SRP72: variants seen among roughly 807,000 people sequenced by gnomAD.
SRP72 encodes the protein signal recognition particle subunit SRP72.
Under a neutral mutation model 96.3 loss-of-function variants are expected in SRP72, and 49 were observed. The ratio of observed to expected loss-of-function variants is 0.51; its 90% CI spans 0.40 to 0.65. The LOEUF is 0.65. SRP72 is among the 30% of genes least tolerant of loss of function. The pLI is 0.00. For missense variants in SRP72, 736 were observed against 793.3 expected (o/e 0.93, Z 0.87); for synonymous variants, 267 against 275.2 (o/e 0.97, Z 0.30).
At chr4:56,477,816 G>T (rs1025344786) in intron 6 of SRP72, among the ~76,000 whole-genome samples, 2 of 152,136 alleles carry the variant, frequency 1.3e-5, no homozygotes, top group African/African-American at 2.4e-5. Flanking sequence ...TGGAGCATCG[G>T]TTAAGAGAGC....
intron 16 of SRP72, 97 bp downstream of exon 16, chr4:56,491,665 T>A: frequency 8.2e-7 from 1 of 1,224,596 alleles, no homozygotes. Flanking sequence ...AATAAAGTTC[T>A]AGTTCTCTTT....
At chr4:56,469,997 G>A (rs1469127600) in intron 2 of SRP72, among the ~76,000 whole-genome samples, 1 of 126,964 alleles carries the variant, frequency 7.9e-6, no homozygotes, top group Non-Finnish European at 1.6e-5. Flanking sequence ...TTTAACCACT[G>A]TGTTTCCTTT....
intron 16 of SRP72, among the ~76,000 whole-genome samples, chr4:56,493,858 T>G (rs1368972455): frequency 1.3e-5 from 2 of 152,046 alleles, no homozygotes; most frequent in African/African-American, 4.8e-5. Flanking sequence ...CGAATGAGAC[T>G]CTGTCTAAAA....
chr4:56,492,027 C>CAAAA (rs1720926230), intron 16 of SRP72, among the ~76,000 whole-genome samples: 1 of 152,124 alleles, frequency 6.6e-6, no homozygotes. Context: ...TTAGTAGAGA[C>CAAAA]AGGGTTTCAC....
In SRP72 at chr4:56,502,490, T is replaced by C. The variant is rs1721299074; in HGVS notation, c.*629T>C. 2 of 99,310 alleles carry C rather than the reference T, an allele frequency of 2.0e-5. No homozygotes were observed. Among genetic ancestry groups the C allele is most frequent in the East Asian group, 1.1e-3 (2 of 1,894 alleles). The allele number at this position is 99,310 out of a possible 1,614,324, so 6.2% of individuals were successfully genotyped here. A position where few individuals can be genotyped will look rare whatever the true frequency, so the allele number is the denominator to read the frequency against. On this transcript the variant is annotated 3_prime_UTR_variant, in exon 19 of 19. Transcript: ENST00000642900. ...TTATATATATATATATATGTATATA[T>C]ATATACATATATATATATATATAAA...
At chr4:56,476,456 C>A (rs1446302804) in intron 5 of SRP72, 1 of 549,908 alleles carries the variant, frequency 1.8e-6, no homozygotes, top group Admixed American at 3.8e-5. Context: ...AGCACAGACA[C>A]AACAAATGAA....
Position 56,493,689 on chromosome 4 carries a change from A to T in SRP72, c.1641-1668A>T, listed in dbSNP as rs183033161. ...AAACCAGCCTGGACAACATGGTGAA[A>T]CCCCCATCTCTACTAAAAATACAAA... is the stretch of plus-strand genomic sequence containing the variant. On this transcript the variant is annotated intron_variant, in intron 16 of 18. Coordinates refer to ENST00000642900, the MANE Select transcript of SRP72 (RefSeq NM_006947.4). Among the ~76,000 whole-genome samples, 36 of 151,562 alleles carry T rather than the reference A, an allele frequency of 2.4e-4. No individual in the cohort carries two copies. The East Asian group carries it at 7.1e-3, about 30-fold the overall frequency.
At chr4:56,480,184 C>T (rs779640109) in intron 8 of SRP72, among the ~76,000 whole-genome samples, 14 of 152,134 alleles carry the variant, frequency 9.2e-5, no homozygotes, top group Admixed American at 2.6e-4. Flanking sequence ...TATAGATTTC[C>T]AAACATTGAT....
chr4:56,469,863 A>T, intron 2 of SRP72, 90 bp downstream of exon 2: 4 of 1,244,782 alleles, frequency 3.2e-6, no homozygotes, highest in Non-Finnish European at 3.2e-6. Context: ...CTATTTGCTG[A>T]TTTTTTTTAA....
intron 15 of SRP72, 61 bp downstream of exon 15, chr4:56,490,706 T>C (rs1467462205): frequency 9.9e-6 from 14 of 1,410,408 alleles, no homozygotes; most frequent in East Asian, 4.6e-5. Flanking sequence ...TCTTCTGATA[T>C]CTGTGTTTTG....
At chr4:56,475,144 G>A (rs954827503) in intron 5 of SRP72, among the ~76,000 whole-genome samples, 1 of 152,184 alleles carries the variant, frequency 6.6e-6, no homozygotes, top group Non-Finnish European at 1.5e-5. Context: ...GTGAAACAAA[G>A]TCTGTTTTAC....
Position 56,491,492 on chromosome 4 carries a change from G to A in SRP72, c.1564G>A (p.Glu522Lys). 1 of 1,614,002 alleles carries A rather than the reference G, an allele frequency of 6.2e-7. No homozygotes were observed. Among genetic ancestry groups the A allele is most frequent in the African/African-American group, 1.3e-5 (1 of 75,028 alleles). The change falls in exon 16 of 19, where the codon GAA becomes AAA. Residue 522 changes from glutamate to lysine, a missense_variant. Physicochemically the swap from Glu to Lys is moderately conservative, Grantham distance 56. Coordinates refer to ENST00000642900, the MANE Select transcript of SRP72 (RefSeq NM_006947.4). Reference protein sequence around the residue: ...MSLKVDVEALENSAGATYIRK... With the variant: ...MSLKVDVEALKNSAGATYIRK... The stretch of plus-strand genomic sequence containing the variant: ...TCTAAAAGTAGATGTTGAGGCTCTT[G>A]AAAATTCTGCTGGTGCTACATACAT...
intron 3 of SRP72, 57 bp from the exon 4 acceptor site, chr4:56,473,997 A>G: frequency 6.4e-7 from 1 of 1,552,318 alleles, no homozygotes; most frequent in African/African-American, 1.4e-5. Context: ...TTTGCATGAT[A>G]TTAAAGACAT....
chr4:56,473,263 T>G (rs748221207), intron 3 of SRP72, among the ~76,000 whole-genome samples: 64 of 151,842 alleles, frequency 4.2e-4, no homozygotes, highest in Non-Finnish European at 7.8e-4. Context: ...ATCGAGACCA[T>G]CCTGGCTAAC....
chr4:56,486,468 CTA>C, intron 11 of SRP72, 71 bp downstream of exon 11: 1 of 1,312,442 alleles, frequency 7.6e-7, no homozygotes, highest in Non-Finnish European at 1.0e-6. Flanking sequence ...CAGTTGTGAA[CTA>C]TGTGATTTTA....
At chr4:56,469,837 C>A in intron 2 of SRP72, 64 bp downstream of exon 2, 1 of 1,403,246 alleles carries the variant, frequency 7.1e-7, no homozygotes, top group Non-Finnish European at 9.5e-7. Context: ...ATAATCTCTT[C>A]CATGTTTTTT....
intron 18 of SRP72, 75 bp downstream of exon 18, chr4:56,500,770 AATT>A (rs1362939218): frequency 7.3e-7 from 1 of 1,364,458 alleles, no homozygotes; most frequent in Non-Finnish European, 9.9e-7. Flanking sequence ...TATTAGTGAG[AATT>A]TGTTAATATA....
chr4:56,476,974 GT>G, intron 6 of SRP72: 1 of 389,416 alleles, frequency 2.6e-6, no homozygotes, highest in Non-Finnish European at 4.5e-6. Context: ...TAGGACTAAG[GT>G]CTTTGAGGAC....
chr4:56,473,110 C>G (rs977242011), intron 3 of SRP72, among the ~76,000 whole-genome samples: 2 of 152,076 alleles, frequency 1.3e-5, no homozygotes, highest in African/African-American at 2.4e-5. Context: ...AATTTTAGAT[C>G]TAGGTAACAG....
Sources: gnomAD v4.1 joint callset for allele counts (sites outside exome capture counted in the v4.1 genomes callset) on GRCh38, gnomAD v4.1.1 for gene constraint, MANE v1.5 for transcripts, NCBI Gene and HGNC (gene_info 2026-07-23, HGNC 2026-07-21) for gene names.